Variants in ILDR1 observed in about 807,000 individuals in gnomAD.
ILDR1 encodes immunoglobulin like domain containing receptor 1, also known as immunoglobulin-like domain-containing receptor 1.
ILDR1 carries 56 observed loss-of-function variants against 62.4 expected under a neutral mutation model. That is an observed-to-expected ratio of 0.90 (90% confidence interval 0.72 to 1.12). The LOEUF (loss-of-function observed/expected upper bound fraction) is 1.12. ILDR1 is among the 50% of genes most tolerant of loss of function. The pLI, the probability that ILDR1 is intolerant of heterozygous loss-of-function variation, is 0.00. For synonymous variants in ILDR1, 284 were observed against 277.8 expected, an observed-to-expected ratio of 1.02 and a Z score of -0.22; for missense variants, 736 against 710.6, an observed-to-expected ratio of 1.04 and a Z score of -0.41.
the ILDR1 span, among the ~76,000 whole-genome samples, chr3:122,031,855 C>T: frequency 6.6e-6 from 1 of 152,194 alleles, no homozygotes; most frequent in Admixed American, 6.5e-5. Flanking sequence ...GACACCAACC[C>T]TGGGTCTAAA....
intron 3 of ILDR1, 144 bp from the exon 4 acceptor site, chr3:122,002,008 C>A: frequency 1.0e-6 from 1 of 966,732 alleles, no homozygotes; most frequent in Non-Finnish European, 1.5e-6. Flanking sequence ...GCCATGGTGG[C>A]ATGTGCCTAT....
intron 1 of ILDR1, among the ~76,000 whole-genome samples, chr3:122,013,878 T>C (rs1041940814): frequency 6.6e-5 from 10 of 152,290 alleles, no homozygotes; most frequent in South Asian, 4.1e-4. Context: ...ACTTACTATG[T>C]TGTTTGACAC....
At chr3:122,011,960 G>C (rs1488785139) in intron 1 of ILDR1, among the ~76,000 whole-genome samples, 1 of 152,092 alleles carries the variant, frequency 6.6e-6, no homozygotes, top group Non-Finnish European at 1.5e-5. Context: ...CTTGGGCCTT[G>C]CTGACAACAA....
the ILDR1 span, among the ~76,000 whole-genome samples, chr3:122,042,131 T>G: frequency 3.9e-5 from 4 of 102,956 alleles, no homozygotes; most frequent in East Asian, 1.1e-3. Flanking sequence ...GTGATCTCAT[T>G]GTTCAATTCC....
At chr3:122,006,679 A>G (rs762778292) in intron 2 of ILDR1, among the ~76,000 whole-genome samples, 19 of 152,212 alleles carry the variant, frequency 1.2e-4, no homozygotes, top group Admixed American at 2.0e-4. Context: ...TCATCAGCTC[A>G]GCACATTGGC....
intron 1 of ILDR1, among the ~76,000 whole-genome samples, chr3:122,015,361 C>T (rs2071762179): frequency 6.6e-6 from 1 of 152,204 alleles, no homozygotes; most frequent in East Asian, 1.9e-4. Context: ...AAGGAATCAT[C>T]CTGGTATCTT....
chr3:122,003,775 C>T (rs1003789982), intron 3 of ILDR1, among the ~76,000 whole-genome samples: 28 of 150,816 alleles, frequency 1.9e-4, no homozygotes, highest in African/African-American at 5.9e-4. Flanking sequence ...TTTACCTTCA[C>T]GTTTTTAGAA....
At chr3:122,028,498 T>A in the ILDR1 span, among the ~76,000 whole-genome samples, 2 of 152,120 alleles carry the variant, frequency 1.3e-5, no homozygotes, top group Admixed American at 1.3e-4. Flanking sequence ...CTACATAAAA[T>A]TTTTTTAAAA....
upstream of ILDR1, among the ~76,000 whole-genome samples, chr3:122,027,229 A>T (rs528145438): frequency 6.6e-6 from 1 of 152,164 alleles, no homozygotes; most frequent in African/African-American, 2.4e-5. Flanking sequence ...CACTCTTGTC[A>T]TCCAGGCTGG....
chr3:122,051,788 G>A, the ILDR1 span, among the ~76,000 whole-genome samples: 1 of 152,106 alleles, frequency 6.6e-6, no homozygotes, highest in Non-Finnish European at 1.5e-5. Context: ...GCTTTGTACT[G>A]GGAAAGACCT....
intron 3 of ILDR1, among the ~76,000 whole-genome samples, chr3:122,002,675 CAT>C (rs1413339201): frequency 6.6e-6 from 1 of 151,794 alleles, no homozygotes; most frequent in African/African-American, 2.4e-5. Context: ...CACAGGTAAA[CAT>C]GTGCCATGGC....
At chr3:121,990,888 A>G (rs1422220113) in intron 7 of ILDR1, among the ~76,000 whole-genome samples, 6 of 152,130 alleles carry the variant, frequency 3.9e-5, no homozygotes, top group Non-Finnish European at 7.4e-5. Context: ...AGGCTCCCAT[A>G]GTTGTGAGGA....
upstream of ILDR1, among the ~76,000 whole-genome samples, chr3:122,025,952 G>A (rs1293726671): frequency 1.3e-5 from 2 of 152,076 alleles, no homozygotes; most frequent in South Asian, 2.1e-4. Context: ...ATTCCTGGAG[G>A]AAGGGACATC....
At chr3:122,007,579 C>CCCGTTAGGTCA (rs2071634577) in intron 1 of ILDR1, among the ~76,000 whole-genome samples, 1 of 152,200 alleles carries the variant, frequency 6.6e-6, no homozygotes, top group South Asian at 2.1e-4. Context: ...GCCTACGAAA[C>CCCGTTAGGTCA]CCGTTAGGTC....
At chr3:122,042,739 T>C in the ILDR1 span, among the ~76,000 whole-genome samples, 1 of 152,194 alleles carries the variant, frequency 6.6e-6, no homozygotes, top group Non-Finnish European at 1.5e-5. Flanking sequence ...GTTCATGTCC[T>C]TCGCCCACTT....
intron 1 of ILDR1, among the ~76,000 whole-genome samples, chr3:122,009,324 A>ACACAC: frequency 7.3e-6 from 1 of 137,902 alleles, no homozygotes; most frequent in South Asian, 2.5e-4. Context: ...CTCAATTTAA[A>ACACAC]ACACACACAC....
the ILDR1 span, among the ~76,000 whole-genome samples, chr3:122,031,840 A>C: frequency 6.6e-6 from 1 of 152,212 alleles, no homozygotes; most frequent in Non-Finnish European, 1.5e-5. Flanking sequence ...GCCCAAATGC[A>C]ATAGGACACC....
Position 122,001,388 on chromosome 3 carries a change from C to T in ILDR1, c.566G>A (p.Trp189Ter). 1 of 1,614,138 alleles carries T rather than the reference C, an allele frequency of 6.2e-7. No individual in the cohort carries two copies. Reference sequence around the variant, plus strand: ...GCAATACTGAGGACAGCACTGGCACCAGCACACTCCAATCAGCAGCAGGAG... The same window carrying T: ...GCAATACTGAGGACAGCACTGGCACTAGCACACTCCAATCAGCAGCAGGAG... The part of the protein sequence containing the change: ...LLLLLLIGVC[W>*]CQCCPQYCCC... The change falls in exon 5 of 8, where the codon TGG (tryptophan) becomes TAG (stop). Residue 189 changes from tryptophan to a stop codon, truncating the protein, a stop_gained. Coordinates refer to ENST00000344209, the MANE Select transcript of ILDR1 (RefSeq NM_001199799.2). LOFTEE classifies it high-confidence loss of function.
the ILDR1 span, among the ~76,000 whole-genome samples, chr3:122,059,262 G>A: frequency 6.6e-6 from 1 of 152,092 alleles, no homozygotes; most frequent in African/African-American, 2.4e-5. Context: ...AGAGGTTGGA[G>A]GATTGAGAGG....
Sources: gnomAD v4.1 joint callset for allele counts (sites outside exome capture counted in the v4.1 genomes callset) on GRCh38, gnomAD v4.1.1 for gene constraint, MANE v1.5 for transcripts, NCBI Gene and HGNC (gene_info 2026-07-23, HGNC 2026-07-21) for gene names.